Variants in RBL2 observed in about 807,000 individuals in gnomAD.
The protein encoded by RBL2 is RB transcriptional corepressor like 2.
In RBL2, 56 loss-of-function variants were observed where a neutral mutation model predicts 126.0. The observed-to-expected ratio is 0.44, with a 90% CI of 0.36 to 0.56. The LOEUF (loss-of-function observed/expected upper bound fraction) is 0.56. RBL2 is among the 20% of genes least tolerant of loss of function. RBL2 has a pLI of 0.00. For synonymous variants in RBL2, 454 were observed against 478.5 expected (o/e 0.95, Z 0.67); for missense variants, 1,229 against 1,398.2 (o/e 0.88, Z 1.93).
chr16:53,484,526 T>C (rs140672991), intron 21 of RBL2, among the ~76,000 whole-genome samples: 1 of 152,326 alleles, frequency 6.6e-6, no homozygotes, highest in African/African-American at 2.4e-5. Context: ...GAAGTACTGA[T>C]ACATGCTACA....
chr16:53,436,162 G>GT (rs2057956795), intron 1 of RBL2, among the ~76,000 whole-genome samples: 1 of 151,902 alleles, frequency 6.6e-6, no homozygotes, highest in African/African-American at 2.4e-5. Flanking sequence ...TTTTTATGTT[G>GT]TTTTTTGTTT....
intron 20 of RBL2, 45 bp downstream of exon 20, chr16:53,480,814 G>C: frequency 7.7e-6 from 12 of 1,552,178 alleles, no homozygotes; most frequent in Non-Finnish European, 7.1e-6. Context: ...ACTCATGAGT[G>C]TTGAGGAATC....
Position 53,453,365 on chromosome 16 carries a change from A to G in RBL2, c.767-87A>G. 2.4e-6 allele frequency: 3 copies of G among 1,256,284 alleles called. No homozygotes were observed. The South Asian group carries it at 4.2e-5, about 17-fold the overall frequency. The allele number at this position is 1,256,284 out of a possible 1,614,324, so 77.8% of individuals were successfully genotyped here. A position where few individuals can be genotyped will look rare whatever the true frequency, so the allele number is the denominator to read the frequency against. On this transcript the variant is annotated intron_variant, in intron 5 of 21. Transcript: ENST00000262133. The stretch of plus-strand genomic sequence containing the variant: ...CATTTGTATGCTAAGTGGTATACTG[A>G]TTATACTCTATGTTTTACATTTTAG...
Position 53,434,504 on chromosome 16 carries a change from C to G in RBL2, c.-53C>G, listed in dbSNP as rs893142512. 2.2e-6 allele frequency: 3 copies of G among 1,346,778 alleles called. No homozygotes were observed. In the East Asian group the frequency reaches 9.1e-5, roughly 41 times the overall value. The allele number at this position is 1,346,778 out of a possible 1,614,324, so 83.4% of individuals were successfully genotyped here. The stretch of plus-strand genomic sequence containing the variant: ...GGCGGGCGCTTCGCCGTTTGAATGG[C>G]TGCGGGCCCGGGCCCTCACCTCACC... On this transcript the variant is annotated 5_prime_UTR_variant, in exon 1 of 22. Coordinates refer to ENST00000262133, the MANE Select transcript of RBL2 (RefSeq NM_005611.4).
chr16:53,453,792 T>G, intron 7 of RBL2, 23 bp downstream of exon 7: 1 of 1,531,310 alleles, frequency 6.5e-7, no homozygotes, highest in Non-Finnish European at 8.9e-7. Context: ...GTATAAAATG[T>G]TTTAATATTT....
intron 7 of RBL2, 168 bp from the exon 8 acceptor site, chr16:53,454,488 C>A (rs2150796357): frequency 4.9e-6 from 3 of 607,846 alleles, no homozygotes; most frequent in East Asian, 3.0e-5. Context: ...CAGACGGGAG[C>A]TACTGCACCC....
In RBL2 at chr16:53,442,814, C is replaced by T. The variant is rs775645148; in HGVS notation, c.528C>T (p.Tyr176=). 12 of 1,612,728 alleles carry T rather than the reference C, an allele frequency of 7.4e-6. No homozygotes were observed. In the Middle Eastern group the frequency reaches 4.9e-4, roughly 66 times the overall value. ...YEPIFQDIFK[Y]PQEEQPRQQR... ...CCATTTTTCAGGACATCTTTAAATACCCTCAAGAGGAGCAACCTCGTCAGC... is the reference window on the plus strand; with the variant it reads ...CCATTTTTCAGGACATCTTTAAATATCCTCAAGAGGAGCAACCTCGTCAGC... Residue 176 remains tyrosine, a synonymous_variant, in exon 3 of 22, where the codon TAC becomes TAT. Transcript: ENST00000262133.
chr16:53,447,167 T>C lies in RBL2; in HGVS notation c.637+61T>C, dbSNP rs564761778. The C allele has an allele frequency of 8.9e-5, 83 of 936,202 alleles. No individual in the cohort carries two copies. In the African/African-American group the frequency reaches 1.2e-3, roughly 13 times the overall value. The allele number at this position is 936,202 out of a possible 1,614,324, so 58.0% of individuals were successfully genotyped here. Reference sequence around the variant, plus strand: ...GTCTATTTACATTTTCAGGTATTAATTTTGTCAACTTCTAATATGTATCAG... The same window carrying C: ...GTCTATTTACATTTTCAGGTATTAACTTTGTCAACTTCTAATATGTATCAG... On this transcript the variant is annotated intron_variant, in intron 4 of 21. Transcript: ENST00000262133.
intron 17 of RBL2, among the ~76,000 whole-genome samples, chr16:53,471,438 G>A (rs1304527217): frequency 6.6e-6 from 1 of 151,920 alleles, no homozygotes; most frequent in Non-Finnish European, 1.5e-5. Context: ...AACTTATTGA[G>A]GAGAAATTCA....
intron 1 of RBL2, chr16:53,435,560 C>G (rs1216551307): frequency 1.1e-5 from 13 of 1,209,222 alleles, no homozygotes; most frequent in African/African-American, 1.6e-5. Context: ...CAGTGAGTGT[C>G]AGCTTTGTAT....
At chr16:53,465,358 G>C in intron 12 of RBL2, 80 bp from the exon 13 acceptor site, 1 of 977,694 alleles carries the variant, frequency 1.0e-6, no homozygotes, top group Non-Finnish European at 1.4e-6. Context: ...ACTTCAACTT[G>C]TAATTTTGAC....
intron 13 of RBL2, among the ~76,000 whole-genome samples, chr16:53,466,599 T>G (rs2058274675): frequency 6.6e-6 from 1 of 151,916 alleles, no homozygotes; most frequent in Non-Finnish European, 1.5e-5. Context: ...TGTGTGCAGT[T>G]CACAATAGGG....
intron 3 of RBL2, among the ~76,000 whole-genome samples, chr16:53,444,305 C>G (rs1206809984): frequency 6.6e-6 from 1 of 151,728 alleles, no homozygotes; most frequent in Non-Finnish European, 1.5e-5. Flanking sequence ...GTAATCCCAG[C>G]ACTTTGGGAG....
At chr16:53,462,368 G>A (rs1304266356) in intron 10 of RBL2, among the ~76,000 whole-genome samples, 184 bp from the exon 11 acceptor site, 1 of 152,134 alleles carries the variant, frequency 6.6e-6, no homozygotes, top group African/African-American at 2.4e-5. Context: ...AGAAAAATGT[G>A]ACTGTTACCA....
chr16:53,456,767 A>T (rs2058171283), intron 8 of RBL2, among the ~76,000 whole-genome samples: 1 of 152,202 alleles, frequency 6.6e-6, no homozygotes, highest in Non-Finnish European at 1.5e-5. Context: ...CAAGAGACTC[A>T]TGTGGCTTCC....
chr16:53,479,333 G>C (rs1960854893), intron 18 of RBL2, 108 bp downstream of exon 18: 13 of 902,592 alleles, frequency 1.4e-5, no homozygotes, highest in Non-Finnish European at 2.1e-5. Flanking sequence ...ATAAACACCT[G>C]GGACTCTACT....
chr16:53,484,389 TAATA>T (rs1598134390), intron 21 of RBL2, among the ~76,000 whole-genome samples: 1 of 152,130 alleles, frequency 6.6e-6, no homozygotes, highest in Non-Finnish European at 1.5e-5. Flanking sequence ...ATGTACCAAT[TAATA>T]GTTAGAATTT....
intron 2 of RBL2, 70 bp from the exon 3 acceptor site, chr16:53,442,588 T>C (rs2058026319): frequency 8.6e-7 from 1 of 1,162,408 alleles, no homozygotes; most frequent in Non-Finnish European, 1.2e-6. Context: ...TGATTTACTT[T>C]TGAATACTTA....
At chr16:53,438,714 C>T (rs2057982505) in intron 1 of RBL2, among the ~76,000 whole-genome samples, 3 of 151,714 alleles carry the variant, frequency 2.0e-5, no homozygotes. Context: ...TATGGTGGCG[C>T]ACTTCTGTAG....
Sources: gnomAD v4.1 joint callset for allele counts (sites outside exome capture counted in the v4.1 genomes callset) on GRCh38, gnomAD v4.1.1 for gene constraint, MANE v1.5 for transcripts, NCBI Gene and HGNC (gene_info 2026-07-23, HGNC 2026-07-21) for gene names.